Variants in PTPRK observed in about 807,000 individuals in gnomAD.
PTPRK encodes the protein receptor-type tyrosine-protein phosphatase kappa.
A neutral mutation model predicts 178.0 loss-of-function variants in PTPRK; 75 were observed. That is an observed-to-expected ratio of 0.42 (90% confidence interval 0.35 to 0.51). PTPRK has a LOEUF of 0.51. PTPRK is among the 20% of genes least tolerant of loss of function. PTPRK has a pLI of 0.02. For synonymous variants in PTPRK, 637 were observed against 620.6 expected, an observed-to-expected ratio of 1.03 and a Z score of -0.39; for missense variants, 1,441 against 1,797.8, an observed-to-expected ratio of 0.80 and a Z score of 3.59.
chr6:128,127,313 T>C (rs1793545807), intron 7 of PTPRK, among the ~76,000 whole-genome samples: 1 of 152,188 alleles, frequency 6.6e-6, no homozygotes, highest in Non-Finnish European at 1.5e-5. Context: ...AATTGGTTTA[T>C]TGATTATCTA....
At chr6:128,505,070 A>C (rs1005616139) in intron 1 of PTPRK, among the ~76,000 whole-genome samples, 4 of 150,916 alleles carry the variant, frequency 2.7e-5, no homozygotes, top group Non-Finnish European at 5.9e-5. Flanking sequence ...CTGGTCAAAC[A>C]GTATACCAAA....
intron 3 of PTPRK, among the ~76,000 whole-genome samples, chr6:128,298,643 G>A (rs1458857753): frequency 2.6e-5 from 4 of 152,110 alleles, no homozygotes; most frequent in Admixed American, 2.6e-4. Flanking sequence ...AATAGATGCA[G>A]AAAAGGCCGT....
intron 6 of PTPRK, among the ~76,000 whole-genome samples, chr6:128,217,337 A>T (rs1809513204): frequency 6.6e-6 from 1 of 150,806 alleles, no homozygotes; most frequent in Non-Finnish European, 1.5e-5. Flanking sequence ...AGTCGTATTT[A>T]ATCTATAAAG....
chr6:128,493,217 G>A (rs779850856), intron 1 of PTPRK, among the ~76,000 whole-genome samples: 4 of 152,194 alleles, frequency 2.6e-5, no homozygotes, highest in Non-Finnish European at 4.4e-5. Context: ...AATTAAAACT[G>A]CAATTTTTAA....
chr6:127,992,972 T>A (rs1292568567), intron 18 of PTPRK, among the ~76,000 whole-genome samples: 1 of 151,782 alleles, frequency 6.6e-6, no homozygotes, highest in African/African-American at 2.4e-5. Context: ...ACCTCATAGA[T>A]TTTGTTTGGT....
chr6:128,081,624 T>A (rs1784837814), intron 10 of PTPRK, among the ~76,000 whole-genome samples: 1 of 152,068 alleles, frequency 6.6e-6, no homozygotes, highest in Non-Finnish European at 1.5e-5. Context: ...AGTCAAAATT[T>A]GTGCTTTACT....
At chr6:128,333,788 T>C (rs1375400305) in intron 2 of PTPRK, among the ~76,000 whole-genome samples, 1 of 152,216 alleles carries the variant, frequency 6.6e-6, no homozygotes, top group Admixed American at 6.5e-5. Flanking sequence ...CAAGAACTTT[T>C]CCTTTGCATT....
chr6:128,318,528 C>T (rs1356654787), intron 3 of PTPRK, among the ~76,000 whole-genome samples: 1 of 152,126 alleles, frequency 6.6e-6, no homozygotes, highest in Non-Finnish European at 1.5e-5. Context: ...GCTATACTAT[C>T]ACATTCCAAT....
chr6:128,118,117 G>T (rs1471317246), intron 7 of PTPRK, among the ~76,000 whole-genome samples: 1 of 152,064 alleles, frequency 6.6e-6, no homozygotes, highest in African/African-American at 2.4e-5. Context: ...AATGCTCATA[G>T]GCAAACAACA....
At chr6:128,464,590 T>C (rs1849497749) in intron 1 of PTPRK, among the ~76,000 whole-genome samples, 1 of 141,380 alleles carries the variant, frequency 7.1e-6, no homozygotes, top group African/African-American at 2.6e-5. Context: ...AAAGCCTTTA[T>C]TTTAGTTTAA....
intron 2 of PTPRK, among the ~76,000 whole-genome samples, chr6:128,375,079 T>TATTATTATG (rs1167154813): frequency 2.0e-5 from 3 of 147,112 alleles, no homozygotes; most frequent in Non-Finnish European, 4.5e-5. Flanking sequence ...TTATTATTAT[T>TATTATTATG]ATTATTATTA....
chr6:128,320,432 T>A (rs1828629679), intron 3 of PTPRK, among the ~76,000 whole-genome samples: 1 of 152,192 alleles, frequency 6.6e-6, no homozygotes, highest in Non-Finnish European at 1.5e-5. Context: ...GTTACTTCTA[T>A]GTTGTTATTG....
At chr6:128,024,843 C>T (rs778301645) in intron 13 of PTPRK, among the ~76,000 whole-genome samples, 10 of 151,866 alleles carry the variant, frequency 6.6e-5, no homozygotes, top group Non-Finnish European at 1.3e-4. Flanking sequence ...CAAACCAGGC[C>T]TATATTGTAA....
intron 3 of PTPRK, among the ~76,000 whole-genome samples, chr6:128,249,357 T>C (rs1233000748): frequency 6.8e-6 from 1 of 148,016 alleles, no homozygotes; most frequent in African/African-American, 2.5e-5. Context: ...GTGGATAGAA[T>C]AAAAGTCAGT....
intron 7 of PTPRK, among the ~76,000 whole-genome samples, chr6:128,154,006 GA>G (rs1797639819): frequency 6.6e-6 from 1 of 151,800 alleles, no homozygotes; most frequent in Non-Finnish European, 1.5e-5. Context: ...TAGGAATTCA[GA>G]AGCATGTATT....
At chr6:128,277,194 A>C (rs1820854453) in intron 3 of PTPRK, among the ~76,000 whole-genome samples, 1 of 152,184 alleles carries the variant, frequency 6.6e-6, no homozygotes, top group African/African-American at 2.4e-5. Context: ...CAATAAAACA[A>C]ACATTGAACG....
At chr6:128,399,347 C>A (rs1339592410) in intron 1 of PTPRK, among the ~76,000 whole-genome samples, 3 of 152,168 alleles carry the variant, frequency 2.0e-5, no homozygotes, top group South Asian at 2.1e-4. Flanking sequence ...GCTCTGAAAT[C>A]TTTTCCAAAA....
rs942972538 is a variant in PTPRK, at chr6:127,985,990, C to T, written c.3097-115G>A. 36 of 988,808 alleles carry T rather than the reference C, an allele frequency of 3.6e-5. 1 individual carries two copies. In the Middle Eastern group the frequency reaches 7.7e-4, roughly 21 times the overall value. 61.3% of individuals were successfully genotyped at this position (988,808 alleles called of 1,614,324 possible). On this transcript the variant is annotated intron_variant, in intron 21 of 29. Transcript: ENST00000368226. ...GACAATGATAACAATAAAACCTTTA[C>T]GAAAGACTATGCCTTTTCTTAAAAA...
At chr6:128,343,954 A>G (rs974239159) in intron 2 of PTPRK, among the ~76,000 whole-genome samples, 1 of 152,334 alleles carries the variant, frequency 6.6e-6, no homozygotes, top group Middle Eastern at 3.4e-3. Flanking sequence ...TGGCATCAGA[A>G]CTTATAAGTT....
Sources: allele counts gnomAD v4.1 joint callset (sites outside exome capture counted in the v4.1 genomes callset), GRCh38; gene constraint gnomAD v4.1.1; transcripts MANE v1.5; gene names NCBI Gene and HGNC (gene_info 2026-07-23, HGNC 2026-07-21).